CFAP20DC: variants seen among roughly 807,000 people sequenced by gnomAD.
CFAP20DC encodes CFAP20 domain containing.
Under a neutral mutation model 101.7 loss-of-function variants are expected in CFAP20DC, and 84 were observed. The ratio of observed to expected loss-of-function variants is 0.83; its 90% CI spans 0.69 to 0.99. The LOEUF (loss-of-function observed/expected upper bound fraction) is 0.99, where lower values mean the gene tolerates loss of function less well. Ranked by LOEUF, CFAP20DC falls within the 50% of genes least tolerant of loss-of-function variation. CFAP20DC has a pLI of 0.00. For missense variants in CFAP20DC, 1,007 were observed against 970.3 expected (o/e 1.04, Z -0.50); for synonymous variants, 359 against 351.2 (o/e 1.02, Z -0.25).
intron 3 of CFAP20DC, among the ~76,000 whole-genome samples, chr3:58,725,420 C>T (rs904096893): frequency 6.6e-6 from 1 of 152,190 alleles, no homozygotes; most frequent in Non-Finnish European, 1.5e-5. Context: ...CCTGCTTCTG[C>T]TGGCAATGGA....
At chr3:58,739,442 T>C (rs2067832201), downstream of CFAP20DC, among the ~76,000 whole-genome samples, 1 of 152,252 alleles carries the variant, frequency 6.6e-6, no homozygotes, top group African/African-American at 2.4e-5. Context: ...GCAATCATTT[T>C]GGATAAAAAT....
At chr3:59,038,436 T>C (rs1310221562) in intron 4 of CFAP20DC, among the ~76,000 whole-genome samples, 1 of 152,162 alleles carries the variant, frequency 6.6e-6, no homozygotes, top group African/African-American at 2.4e-5. Context: ...AATGGAAAGA[T>C]GTCTTACATA....
intron 6 of CFAP20DC, among the ~76,000 whole-genome samples, chr3:58,890,613 G>A (rs1243461900): frequency 4.0e-5 from 6 of 150,848 alleles, no homozygotes; most frequent in East Asian, 2.0e-4. Flanking sequence ...GGGCGGAGAC[G>A]CTCCTCACTT....
chr3:58,829,914 T>G (rs1204638478), intron 14 of CFAP20DC, among the ~76,000 whole-genome samples: 3 of 152,204 alleles, frequency 2.0e-5, no homozygotes, highest in Non-Finnish European at 4.4e-5. Context: ...GTTCTCTTTC[T>G]TACTTGCAGT....
intron 3 of CFAP20DC, among the ~76,000 whole-genome samples, chr3:58,736,715 C>T (rs1396144952): frequency 6.6e-6 from 1 of 152,196 alleles, no homozygotes; most frequent in Non-Finnish European, 1.5e-5. Flanking sequence ...AGTTTATATG[C>T]TTAAATCTTG....
At chr3:58,833,835 T>TG (rs2076558632) in intron 13 of CFAP20DC, among the ~76,000 whole-genome samples, 4 of 152,178 alleles carry the variant, frequency 2.6e-5, no homozygotes, top group Admixed American at 2.6e-4. Context: ...TATCAACTGA[T>TG]GGATGAGTTT....
intron 15 of CFAP20DC, among the ~76,000 whole-genome samples, chr3:58,763,195 C>T (rs1454373126): frequency 3.3e-5 from 5 of 152,226 alleles, no homozygotes; most frequent in Admixed American, 6.5e-5. Context: ...TAGATTTGGT[C>T]TTTTCACATA....
At chr3:58,809,354 C>T (rs2074403021) in intron 14 of CFAP20DC, among the ~76,000 whole-genome samples, 1 of 152,186 alleles carries the variant, frequency 6.6e-6, no homozygotes, top group Admixed American at 6.6e-5. Context: ...TAAATTGTCT[C>T]TCAGACCACA....
At chr3:58,749,672 G>A (rs1407259379) in intron 16 of CFAP20DC, among the ~76,000 whole-genome samples, 1 of 151,996 alleles carries the variant, frequency 6.6e-6, no homozygotes, top group Non-Finnish European at 1.5e-5. Flanking sequence ...CAAAATCTAT[G>A]TAAACTACAA....
intron 4 of CFAP20DC, among the ~76,000 whole-genome samples, chr3:58,974,142 G>A (rs577122833): frequency 2.6e-5 from 4 of 152,244 alleles, no homozygotes; most frequent in African/African-American, 9.6e-5. Flanking sequence ...ACATGTGAAA[G>A]TTTGTTACAT....
chr3:58,966,648 C>T (rs1056480188), intron 4 of CFAP20DC, among the ~76,000 whole-genome samples: 2 of 151,424 alleles, frequency 1.3e-5, no homozygotes, highest in Admixed American at 6.6e-5. Flanking sequence ...CTCAGCCTCC[C>T]GAGTAGCTGG....
intron 5 of CFAP20DC, among the ~76,000 whole-genome samples, chr3:58,928,261 T>C (rs2107627285): frequency 6.6e-6 from 1 of 152,268 alleles, no homozygotes; most frequent in East Asian, 1.9e-4. Flanking sequence ...AGAGGTATTA[T>C]GAGGGTTATG....
chr3:58,920,721 G>A (rs567625077), intron 5 of CFAP20DC, among the ~76,000 whole-genome samples: 6 of 152,200 alleles, frequency 3.9e-5, no homozygotes, highest in African/African-American at 1.2e-4. Context: ...ATATGTCCAC[G>A]TTCATGAGGG....
chr3:58,865,693 A>G (rs1038642081), intron 11 of CFAP20DC, among the ~76,000 whole-genome samples: 3 of 152,250 alleles, frequency 2.0e-5, no homozygotes, highest in Admixed American at 6.5e-5. Flanking sequence ...AATGTTACAA[A>G]AGTCAATAGG....
At chr3:58,813,198 A>T (rs2074812077) in intron 14 of CFAP20DC, among the ~76,000 whole-genome samples, 1 of 151,908 alleles carries the variant, frequency 6.6e-6, no homozygotes, top group Non-Finnish European at 1.5e-5. Flanking sequence ...GAAATCTCAA[A>T]TTTTCCCTCC....
chr3:58,840,445 C>T (rs1456222347), intron 13 of CFAP20DC, among the ~76,000 whole-genome samples: 3 of 152,204 alleles, frequency 2.0e-5, no homozygotes, highest in Admixed American at 6.5e-5. Context: ...GGGTGGTCTC[C>T]GGGAAATTAT....
intron 4 of CFAP20DC, among the ~76,000 whole-genome samples, chr3:58,977,141 T>C (rs2092312473): frequency 6.6e-6 from 1 of 152,230 alleles, no homozygotes; most frequent in African/African-American, 2.4e-5. Context: ...TTGGTTCTGT[T>C]ATAGGTTGTT....
At chr3:58,953,712 A>C (rs552043658) in intron 4 of CFAP20DC, 1 of 152,268 alleles carries the variant, frequency 6.6e-6, no homozygotes, top group South Asian at 2.1e-4. Flanking sequence ...GCTTCATTAC[A>C]CTTATGTGCT....
At chr3:58,955,406 A>G (rs1393564684) in intron 4 of CFAP20DC, among the ~76,000 whole-genome samples, 1 of 152,190 alleles carries the variant, frequency 6.6e-6, no homozygotes, top group Admixed American at 6.5e-5. Context: ...TGTGTCAGGT[A>G]GAGGAACAGC....
Sources: gnomAD v4.1 joint callset for allele counts (sites outside exome capture counted in the v4.1 genomes callset) on GRCh38, gnomAD v4.1.1 for gene constraint, MANE v1.5 for transcripts, NCBI Gene and HGNC (gene_info 2026-07-23, HGNC 2026-07-21) for gene names.